Variants in IFI44 observed in about 807,000 individuals in gnomAD.
IFI44 encodes interferon induced protein 44.
Under a neutral mutation model 45.0 loss-of-function variants are expected in IFI44, and 42 were observed. That is an observed-to-expected ratio of 0.93 (90% CI 0.73 to 1.21). IFI44 has a LOEUF of 1.21. Among genes scored for constraint, IFI44 ranks in the 50% most tolerant of loss-of-function variants. The pLI, the probability that IFI44 is intolerant of heterozygous loss-of-function variation, is 0.00. For synonymous variants in IFI44, 221 were observed against 188.6 expected, an observed-to-expected ratio of 1.17 and a Z score of -1.41; for missense variants, 623 against 525.8, an observed-to-expected ratio of 1.18 and a Z score of -1.81.
Position 78,650,625 on chromosome 1 carries a change from C to T in IFI44, c.430C>T (p.Gln144Ter), listed in dbSNP as rs753147668. The part of the protein sequence containing the change: ...GLAQNCTISI[Q>*]DYEVFRCEDS... ...TGCTCAAAATTGTACTATCTCTATT[C>T]AGGATTATGAAGTTTTTCGATGCGA... The change falls in exon 2 of 9, where the codon CAG becomes TAG. Residue 144 changes from glutamine to a stop codon, truncating the protein, a stop_gained. Coordinates refer to ENST00000370747, the MANE Select transcript of IFI44 (RefSeq NM_006417.5). LOFTEE classifies it high-confidence loss of function. 4 of 1,598,492 alleles carry T rather than the reference C, an allele frequency of 2.5e-6. No individual in the cohort carries two copies. The South Asian group carries it at 4.5e-5, about 18-fold the overall frequency.
intron 8 of IFI44, chr1:78,663,446 T>A (rs896671097): frequency 7.1e-6 from 7 of 985,380 alleles, no homozygotes; most frequent in Non-Finnish European, 7.2e-6. Flanking sequence ...GCATAGTACA[T>A]GCTGCTCTGT....
At position 78,663,847 on chromosome 1, in the gene IFI44, CAGA is replaced by C; in HGVS notation, c.*40_*42del. On this transcript the variant is annotated 3_prime_UTR_variant, in exon 9 of 9. Coordinates refer to ENST00000370747, the MANE Select transcript of IFI44 (RefSeq NM_006417.5). ...GGTTCACGTAAATTTCCTCACATCA[CAGA>C]AGATTAAAATTCAGAAAGGAGAAAA... 6.3e-7 allele frequency: 1 copy of C among 1,594,820 alleles called. No individual in the cohort carries two copies. The highest frequency in any genetic ancestry group is 8.6e-7 in the Non-Finnish European group (1 of 1,168,770).
chr1:78,660,880 C>A, intron 7 of IFI44: 1 of 516,680 alleles, frequency 1.9e-6, no homozygotes, highest in Non-Finnish European at 3.5e-6. Flanking sequence ...TCTGTGGATG[C>A]TTAATGGCAT....
chr1:78,663,850 A>G lies in IFI44; in HGVS notation c.*39A>G. 1 of 1,593,790 alleles carries G rather than the reference A, an allele frequency of 6.3e-7. No individual in the cohort carries two copies. The highest frequency in any genetic ancestry group is 2.2e-5 in the East Asian group (1 of 44,512). ...TCACGTAAATTTCCTCACATCACAGAAGATTAAAATTCAGAAAGGAGAAAA... is the reference window on the plus strand; with the variant it reads ...TCACGTAAATTTCCTCACATCACAGGAGATTAAAATTCAGAAAGGAGAAAA... On this transcript the variant is annotated 3_prime_UTR_variant, in exon 9 of 9. Coordinates refer to ENST00000370747, the MANE Select transcript of IFI44 (RefSeq NM_006417.5).
Position 78,655,190 on chromosome 1 carries a change from C to T in IFI44, c.671C>T (p.Thr224Ile). ...CATCAGGCTTTGGTGGGCACTAATA[C>T]AACTGGGATATCTGAGAAGGTAAGC... ...VTHQALVGTN[T>I]TGISEKYRTY... The change falls in exon 4 of 9, where the codon ACA (threonine) becomes ATA (isoleucine). Residue 224 changes from threonine (T) to isoleucine (I), a missense_variant. Coordinates refer to ENST00000370747, the MANE Select transcript of IFI44 (RefSeq NM_006417.5). 6.2e-7 allele frequency: 1 copy of T among 1,613,636 alleles called. No individual in the cohort carries two copies.
chr1:78,661,035 C>G (rs1647419282), intron 7 of IFI44, among the ~76,000 whole-genome samples: 1 of 152,074 alleles, frequency 6.6e-6, no homozygotes, highest in Non-Finnish European at 1.5e-5. Flanking sequence ...AAGAAAATAA[C>G]CTGTACATGT....
chr1:78,656,158 A>T (rs1647205377), intron 5 of IFI44, among the ~76,000 whole-genome samples: 1 of 152,146 alleles, frequency 6.6e-6, no homozygotes, highest in Admixed American at 6.6e-5. Context: ...TGTGAGAAAT[A>T]AATGTTTGTT....
At position 78,662,789 on chromosome 1, in the gene IFI44, C is replaced by G. The variant is rs1457354131; in HGVS notation, c.1199C>G (p.Pro400Arg). The G allele has an allele frequency of 6.2e-7, 1 of 1,613,686 alleles. No individual in the cohort carries two copies. The highest frequency in any genetic ancestry group is 1.1e-5 in the South Asian group (1 of 91,054). Residue 400 changes from proline to arginine, a missense_variant, in exon 8 of 9, where the codon CCT (proline) becomes CGT (arginine). By Grantham distance (103) the Pro-to-Arg change is moderately radical. Coordinates refer to ENST00000370747, the MANE Select transcript of IFI44 (RefSeq NM_006417.5). Reference protein sequence around the residue: ...SNYSSEWELDPVKDVLILSAL... With the variant: ...SNYSSEWELDRVKDVLILSAL... The stretch of plus-strand genomic sequence containing the variant: ...TATTCCTCTGAGTGGGAGCTGGACC[C>G]TGTAAAGGATGTTCTAATTCTTTCT...
chr1:78,663,645 T>C (rs1244993198), intron 8 of IFI44, 120 bp from the exon 9 acceptor site: 29 of 1,442,394 alleles, frequency 2.0e-5, no homozygotes, highest in Non-Finnish European at 2.5e-5. Flanking sequence ...CTCTTCCTCA[T>C]GGTACGTGTG....
At chr1:78,651,447 T>A (rs1227768075) in intron 2 of IFI44, among the ~76,000 whole-genome samples, 1 of 152,006 alleles carries the variant, frequency 6.6e-6, no homozygotes, top group Non-Finnish European at 1.5e-5. Context: ...GGAAGCAGAG[T>A]TCAGGCTGTA....
intron 3 of IFI44, 129 bp from the exon 4 acceptor site, chr1:78,654,885 T>A (rs1169552123): frequency 1.5e-6 from 1 of 686,376 alleles, no homozygotes; most frequent in Non-Finnish European, 2.2e-6. Flanking sequence ...TCGTCTCATG[T>A]CTTTCATGTA....
At chr1:78,655,300 A>G in intron 4 of IFI44, 62 bp from the exon 5 acceptor site, 1 of 1,560,396 alleles carries the variant, frequency 6.4e-7, no homozygotes, top group African/African-American at 1.4e-5. Context: ...TATTACATAT[A>G]GACTTCATCT....
intron 5 of IFI44, among the ~76,000 whole-genome samples, chr1:78,657,594 T>C (rs1647248258): frequency 6.6e-6 from 1 of 152,156 alleles, no homozygotes; most frequent in South Asian, 2.1e-4. Flanking sequence ...AGTGACATTC[T>C]ATATTATTCT....
At chr1:78,656,991 A>G (rs1429291832) in intron 5 of IFI44, among the ~76,000 whole-genome samples, 5 of 151,750 alleles carry the variant, frequency 3.3e-5, no homozygotes, top group East Asian at 3.9e-4. Context: ...CGTTTTATCT[A>G]TATCTACCCA....
intron 7 of IFI44, 29 bp from the exon 8 acceptor site, chr1:78,662,675 G>T (rs764743785): frequency 6.6e-6 from 10 of 1,507,672 alleles, no homozygotes; most frequent in Admixed American, 1.7e-5. Context: ...TCACTGTTTT[G>T]CAATGTCTTT....
rs1647534867 is a variant in IFI44, at chr1:78,662,708, AG to A, written c.1120del (p.Glu374LysfsTer28). 6.2e-7 allele frequency: 1 copy of A among 1,611,378 alleles called. No individual in the cohort carries two copies. Reference sequence around the variant, plus strand: ...TTTTTAATTTCTGTATTGCAGCTAGAGGAAGTCCAAAGAAAACTTGGATTTG... The same window carrying A: ...TTTTTAATTTCTGTATTGCAGCTAGAGAAGTCCAAAGAAAACTTGGATTTG... Reference protein sequence around the residue: ...ERCEPVRSKLEEVQRKLGFAL... With the variant: ...ERCEPVRSKLXEVQRKLGFAL... On this transcript the variant is annotated frameshift_variant, in exon 8 of 9. Transcript: ENST00000370747. LOFTEE classifies it high-confidence loss of function.
chr1:78,660,711 T>G (rs754529786), intron 7 of IFI44, 57 bp downstream of exon 7: 2 of 1,074,808 alleles, frequency 1.9e-6, no homozygotes, highest in South Asian at 1.3e-5. Flanking sequence ...TACAATCACA[T>G]ACTAGTGTGT....
intron 7 of IFI44, 150 bp from the exon 8 acceptor site, chr1:78,662,554 C>T: frequency 1.6e-6 from 1 of 616,224 alleles, no homozygotes; most frequent in East Asian, 2.8e-5. Context: ...TGAAGTTCTT[C>T]AAGAGTACTT....
At chr1:78,650,005 AT>A (rs1270608789) in intron 1 of IFI44, 100 bp downstream of exon 1, 9 of 452,158 alleles carry the variant, frequency 2.0e-5, no homozygotes, top group Non-Finnish European at 1.6e-5. Context: ...TTTTGTTTTA[AT>A]TTAAAAAACA....
Sources: gnomAD v4.1 joint callset for allele counts (sites outside exome capture counted in the v4.1 genomes callset) on GRCh38, gnomAD v4.1.1 for gene constraint, MANE v1.5 for transcripts, NCBI Gene and HGNC (gene_info 2026-07-23, HGNC 2026-07-21) for gene names.